The following ENOX1 variants were observed in gnomAD, a reference collection of about 807,000 sequenced individuals.
ENOX1 encodes the protein ecto-NOX disulfide-thiol exchanger 1, also known as candidate growth-related and time keeping constitutive hydroquinone (NADH) oxidase.
Under a neutral mutation model 82.5 loss-of-function variants are expected in ENOX1, and 42 were observed. The ratio of observed to expected loss-of-function variants is 0.51; its 90% CI spans 0.40 to 0.66. ENOX1 has a LOEUF of 0.66. Among genes scored for constraint, ENOX1 ranks in the 30% least tolerant of loss-of-function variants. The pLI is 0.00. For synonymous variants in ENOX1, 271 were observed against 282.2 expected, an observed-to-expected ratio of 0.96 and a Z score of 0.40; for missense variants, 608 against 811.6, an observed-to-expected ratio of 0.75 and a Z score of 3.05.
chr13:43,612,256 A>C (rs1283991734), intron 2 of ENOX1, among the ~76,000 whole-genome samples: 1 of 152,206 alleles, frequency 6.6e-6, no homozygotes, highest in Non-Finnish European at 1.5e-5. Context: ...AAGAGCCAAC[A>C]GAGTAGATCT....
intron 5 of ENOX1, among the ~76,000 whole-genome samples, chr13:43,363,858 C>T (rs912519310): frequency 2.3e-4 from 35 of 152,178 alleles, no homozygotes; most frequent in African/African-American, 8.2e-4. Flanking sequence ...ACAGAAGATA[C>T]CACTCTTGTA....
chr13:43,766,554 A>G (rs190974912), intron 1 of ENOX1, among the ~76,000 whole-genome samples: 1 of 152,290 alleles, frequency 6.6e-6, no homozygotes, highest in African/African-American at 2.4e-5. Context: ...CTATAGCTCA[A>G]CTGTAGAAAG....
At chr13:43,742,945 T>A (rs966330326) in intron 1 of ENOX1, among the ~76,000 whole-genome samples, 2 of 152,156 alleles carry the variant, frequency 1.3e-5, no homozygotes, top group Non-Finnish European at 2.9e-5. Context: ...GGGGATAGGA[T>A]GAAAGCCTTC....
chr13:43,372,134 A>G (rs2051283339), intron 5 of ENOX1, among the ~76,000 whole-genome samples: 1 of 152,238 alleles, frequency 6.6e-6, no homozygotes, highest in Non-Finnish European at 1.5e-5. Context: ...CCACAATGTC[A>G]CAACATAAAT....
intron 2 of ENOX1, among the ~76,000 whole-genome samples, chr13:43,602,260 C>A (rs1388669671): frequency 3.9e-5 from 6 of 152,000 alleles, no homozygotes; most frequent in South Asian, 2.1e-4. Flanking sequence ...AGACTAATAT[C>A]TTTACTATAT....
chr13:43,336,398 T>G (rs1008125773), intron 9 of ENOX1, among the ~76,000 whole-genome samples: 10 of 152,206 alleles, frequency 6.6e-5, no homozygotes, highest in African/African-American at 2.4e-4. Flanking sequence ...ACTTGAGGCT[T>G]TTACAATTTT....
chr13:43,660,900 A>T (rs2084685933), intron 2 of ENOX1, among the ~76,000 whole-genome samples: 1 of 152,226 alleles, frequency 6.6e-6, no homozygotes. Flanking sequence ...CATAAGGGAA[A>T]AAAAAGCTCT....
At chr13:43,491,209 A>C (rs190277480) in intron 2 of ENOX1, among the ~76,000 whole-genome samples, 1 of 152,170 alleles carries the variant, frequency 6.6e-6, no homozygotes, top group East Asian at 1.9e-4. Flanking sequence ...AAACAACCAG[A>C]TCTTGCATGG....
intron 5 of ENOX1, among the ~76,000 whole-genome samples, chr13:43,372,055 T>G (rs2051278662): frequency 6.6e-6 from 1 of 152,116 alleles, no homozygotes. Flanking sequence ...AGAAAGAAAT[T>G]ATAAAATTTA....
intron 2 of ENOX1, among the ~76,000 whole-genome samples, chr13:43,665,724 AAAGG>A (rs1220423771): frequency 6.6e-6 from 1 of 151,804 alleles, no homozygotes; most frequent in Non-Finnish European, 1.5e-5. Context: ...TACTAATTTT[AAAGG>A]AAAACTCTTA....
chr13:43,675,246 A>G (rs1369328409), intron 1 of ENOX1, among the ~76,000 whole-genome samples: 1 of 152,200 alleles, frequency 6.6e-6, no homozygotes, highest in Non-Finnish European at 1.5e-5. Flanking sequence ...TTTAAAGAGG[A>G]GCTGACAGGA....
At chr13:43,368,803 TGG>T (rs1450482053) in intron 5 of ENOX1, among the ~76,000 whole-genome samples, 1 of 152,224 alleles carries the variant, frequency 6.6e-6, no homozygotes, top group East Asian at 1.9e-4. Context: ...GAAAGCAACC[TGG>T]GCATTACCTA....
intron 3 of ENOX1, among the ~76,000 whole-genome samples, chr13:43,433,779 G>A (rs138531061): frequency 1.3e-5 from 2 of 152,156 alleles, no homozygotes; most frequent in South Asian, 2.1e-4. Context: ...CTGCTGGAAC[G>A]CACCTCAGAC....
chr13:43,667,108 G>A (rs533299746), intron 2 of ENOX1, among the ~76,000 whole-genome samples: 12 of 152,310 alleles, frequency 7.9e-5, no homozygotes, highest in Admixed American at 1.3e-4. Context: ...ACAGAGATAA[G>A]ACTTTAATTA....
intron 3 of ENOX1, among the ~76,000 whole-genome samples, chr13:43,425,216 GGC>G (rs1433130133): frequency 6.6e-6 from 1 of 152,014 alleles, no homozygotes; most frequent in Non-Finnish European, 1.5e-5. Flanking sequence ...AGCAGGAATT[GGC>G]TACACCTGGT....
chr13:43,469,347 C>T (rs186401856), intron 3 of ENOX1, among the ~76,000 whole-genome samples: 180 of 151,870 alleles, frequency 1.2e-3, no homozygotes, highest in African/African-American at 4.1e-3. Flanking sequence ...TTATATGTTG[C>T]TGTATACAAT....
At position 43,488,577 on chromosome 13, in the gene ENOX1, T is replaced by C. The variant is rs189466314; in HGVS notation, c.-218-4425A>G. On this transcript the variant is annotated intron_variant, in intron 2 of 16. Coordinates refer to ENST00000690772, the MANE Select transcript of ENOX1 (RefSeq NM_001347969.2). ...ATACCTAAAAATGTAGAAACAGCTTTGGAATTGGGTAATGGGTAGAAGCTG... is the reference window on the plus strand; with the variant it reads ...ATACCTAAAAATGTAGAAACAGCTTCGGAATTGGGTAATGGGTAGAAGCTG... 4.1e-4 allele frequency among the ~76,000 whole-genome samples: 62 copies of C among 152,296 alleles called. 2 individuals carry two copies. The East Asian group carries it at 9.3e-3, about 23-fold the overall frequency.
chr13:43,606,704 A>G (rs2081988239), intron 2 of ENOX1, among the ~76,000 whole-genome samples: 1 of 152,072 alleles, frequency 6.6e-6, no homozygotes, highest in Non-Finnish European at 1.5e-5. Flanking sequence ...AAATATAATT[A>G]GATAGAATGA....
At chr13:43,360,514 C>T (rs559968621) in intron 6 of ENOX1, among the ~76,000 whole-genome samples, 1 of 152,188 alleles carries the variant, frequency 6.6e-6, no homozygotes, top group East Asian at 1.9e-4. Context: ...ACTTACTTGG[C>T]TGTGAAACAC....
Sources: gnomAD v4.1 joint callset for allele counts (sites outside exome capture counted in the v4.1 genomes callset) on GRCh38, gnomAD v4.1.1 for gene constraint, MANE v1.5 for transcripts, NCBI Gene and HGNC (gene_info 2026-07-23, HGNC 2026-07-21) for gene names.